Variants in GAS2 observed in about 807,000 individuals in gnomAD.
The protein encoded by GAS2 is growth arrest-specific protein 2.
A neutral mutation model predicts 37.5 loss-of-function variants in GAS2; 20 were observed. The observed-to-expected ratio is 0.53, with a 90% CI of 0.37 to 0.77. The LOEUF is 0.77. Ranked by LOEUF, GAS2 falls within the 30% of genes least tolerant of loss-of-function variation. GAS2 has a pLI of 0.00. For synonymous variants in GAS2, 144 were observed against 132.2 expected, an observed-to-expected ratio of 1.09 and a Z score of -0.61; for missense variants, 336 against 373.4, an observed-to-expected ratio of 0.90 and a Z score of 0.82.
intron 1 of GAS2, among the ~76,000 whole-genome samples, chr11:22,653,794 C>G (rs1303004227): frequency 6.6e-6 from 1 of 152,180 alleles, no homozygotes. Context: ...AGAGAATGGA[C>G]TCGTGACTGA....
chr11:22,713,533 C>A (rs2134094787), intron 3 of GAS2, among the ~76,000 whole-genome samples: 1 of 152,190 alleles, frequency 6.6e-6, no homozygotes, highest in South Asian at 2.1e-4. Flanking sequence ...ACGAACACAT[C>A]ATCACCTAGG....
intron 4 of GAS2, among the ~76,000 whole-genome samples, chr11:22,733,913 A>T (rs897165736): frequency 6.6e-6 from 1 of 151,728 alleles, no homozygotes; most frequent in Non-Finnish European, 1.5e-5. Context: ...TTCTACCCCA[A>T]CTCAAAGCAA....
At chr11:22,652,787 C>T (rs548499320) in intron 1 of GAS2, among the ~76,000 whole-genome samples, 52 of 152,306 alleles carry the variant, frequency 3.4e-4, no homozygotes, top group African/African-American at 1.1e-3. Flanking sequence ...GGCTCGCACA[C>T]GGTGCGCGCA....
chr11:22,793,467 T>C (rs1314416772), intron 7 of GAS2, among the ~76,000 whole-genome samples: 1 of 152,060 alleles, frequency 6.6e-6, no homozygotes, highest in East Asian at 1.9e-4. Flanking sequence ...CAAAAAATGA[T>C]TGAGAAACAC....
At chr11:22,800,562 T>C (rs995148819) in intron 7 of GAS2, among the ~76,000 whole-genome samples, 7 of 152,056 alleles carry the variant, frequency 4.6e-5, no homozygotes, top group East Asian at 1.9e-4. Context: ...AAAGCGTTCA[T>C]GTCCTCAAGG....
chr11:22,635,534 C>G (rs1858809970), intron 1 of GAS2, among the ~76,000 whole-genome samples: 1 of 152,210 alleles, frequency 6.6e-6, no homozygotes, highest in South Asian at 2.1e-4. Context: ...ATAAGCCTTC[C>G]CTACCAAGAC....
intron 3 of GAS2, among the ~76,000 whole-genome samples, chr11:22,696,482 G>T (rs1042309637): frequency 1.3e-5 from 2 of 151,892 alleles, no homozygotes; most frequent in African/African-American, 4.8e-5. Flanking sequence ...TGGGTCAAAT[G>T]GTATTTCTAG....
Position 22,722,078 on chromosome 11 carries a change from T to C in GAS2, c.268-4214T>C, listed in dbSNP as rs1851979088. 2.0e-5 allele frequency among the ~76,000 whole-genome samples: 3 copies of C among 151,904 alleles called. No homozygotes were observed. In the South Asian group the frequency reaches 6.2e-4, roughly 31 times the overall value. On this transcript the variant is annotated intron_variant, in intron 3 of 7. Transcript: ENST00000454584. ...TTCCTAATCATAGCATGAAGGGAAA[T>C]ATAGCTGAATTTGAACTCAAGTAAT...
chr11:22,697,403 C>T (rs1850585882), intron 3 of GAS2, among the ~76,000 whole-genome samples: 1 of 152,062 alleles, frequency 6.6e-6, no homozygotes. Context: ...GTTATTTTGG[C>T]TTAGGATTGA....
At chr11:22,639,376 A>G (rs1858881602) in intron 1 of GAS2, among the ~76,000 whole-genome samples, 1 of 152,132 alleles carries the variant, frequency 6.6e-6, no homozygotes, top group Non-Finnish European at 1.5e-5. Flanking sequence ...CATGTTTTGA[A>G]GCAGCAAGAA....
intron 3 of GAS2, among the ~76,000 whole-genome samples, chr11:22,705,648 C>T (rs1461758172): frequency 6.6e-6 from 1 of 152,170 alleles, no homozygotes; most frequent in Non-Finnish European, 1.5e-5. Flanking sequence ...ACATACATTA[C>T]AATGAAAACA....
chr11:22,639,359 C>T (rs1858881430), intron 1 of GAS2, among the ~76,000 whole-genome samples: 1 of 152,090 alleles, frequency 6.6e-6, no homozygotes, highest in East Asian at 1.9e-4. Flanking sequence ...CATGTGTTGC[C>T]TTCTGCCATG....
intron 7 of GAS2, among the ~76,000 whole-genome samples, chr11:22,776,547 C>T (rs571281056): frequency 2.4e-4 from 37 of 152,168 alleles, no homozygotes; most frequent in African/African-American, 7.5e-4. Context: ...AATCAGTGTC[C>T]GAGTGATTAA....
intron 6 of GAS2, among the ~76,000 whole-genome samples, chr11:22,754,476 T>A (rs1397117257): frequency 6.6e-6 from 1 of 152,096 alleles, no homozygotes; most frequent in Non-Finnish European, 1.5e-5. Flanking sequence ...AATGGCAATG[T>A]ATATATTAAA....
intron 7 of GAS2, among the ~76,000 whole-genome samples, chr11:22,779,894 C>T (rs1470299982): frequency 6.6e-6 from 1 of 152,112 alleles, no homozygotes; most frequent in Non-Finnish European, 1.5e-5. Context: ...GATTAGGTCT[C>T]CCTTTTAAGG....
chr11:22,654,513 A>G lies in GAS2; in HGVS notation c.-20-20337A>G, dbSNP rs542601968. On this transcript the variant is annotated intron_variant, in intron 1 of 5. Transcript: ENST00000528582. ...TTGGCTCAAGCAATCCTCCCACCTT[A>G]GCCTCCTGAGAGTTTGGGACTACAG... 1.0e-3 allele frequency among the ~76,000 whole-genome samples: 158 copies of G among 151,824 alleles called. 1 individual carries two copies. Among genetic ancestry groups the G allele is most frequent in the South Asian group, 4.4e-3 (21 of 4,798 alleles).
rs191102549 is a variant in GAS2 at position 22,691,788 on chromosome 11, T to C, written c.267+5999T>C. 1.3e-4 allele frequency among the ~76,000 whole-genome samples: 20 copies of C among 152,266 alleles called. 1 individual carries two copies. The East Asian group carries it at 3.7e-3, about 28-fold the overall frequency. ...CAGGATTTGTAAAATATAGGTAAAA[T>C]ATATTTAAGCTTTAAATACACTAAT... On this transcript the variant is annotated intron_variant, in intron 3 of 7. Coordinates refer to ENST00000454584, the MANE Select transcript of GAS2 (RefSeq NM_001143830.3).
At chr11:22,743,283 G>A (rs1368066364) in intron 5 of GAS2, among the ~76,000 whole-genome samples, 1 of 152,008 alleles carries the variant, frequency 6.6e-6, no homozygotes, top group Non-Finnish European at 1.5e-5. Context: ...AAGTTAACAT[G>A]ATGTCATTCA....
At position 22,720,588 on chromosome 11, in the gene GAS2, C is replaced by A. The variant is rs192463077; in HGVS notation, c.268-5704C>A. 2.2e-3 allele frequency among the ~76,000 whole-genome samples: 333 copies of A among 151,982 alleles called. 1 individual carries two copies. Among genetic ancestry groups the A allele is most frequent in the African/African-American group, 7.4e-3 (306 of 41,500 alleles). On this transcript the variant is annotated intron_variant, in intron 3 of 7. Coordinates refer to ENST00000454584, the MANE Select transcript of GAS2 (RefSeq NM_001143830.3). ...ACTAAAAGTAGCAAGGGGATACAGG[C>A]GGAAACATTAATTCCATCATGGAAA...
Sources: gnomAD v4.1 joint callset for allele counts (sites outside exome capture counted in the v4.1 genomes callset) on GRCh38, gnomAD v4.1.1 for gene constraint, MANE v1.5 for transcripts, NCBI Gene and HGNC (gene_info 2026-07-23, HGNC 2026-07-21) for gene names.